PUDP: variants seen among roughly 807,000 people sequenced by gnomAD.
The protein encoded by PUDP is pseudouridine 5'-phosphatase.
Under a neutral mutation model 9.4 loss-of-function variants are expected in PUDP, and 8 were observed. That is an observed-to-expected ratio of 0.85 (90% confidence interval 0.50 to 1.53). The LOEUF (loss-of-function observed/expected upper bound fraction) is 1.53. Ranked by LOEUF, PUDP falls within the 40% of genes most tolerant of loss-of-function variation. PUDP has a pLI of 0.00. For missense variants in PUDP, 188 were observed against 189.7 expected (o/e 0.99, Z 0.05); for synonymous variants, 99 against 80.7 (o/e 1.23, Z -1.22).
At chrX:7,058,958 C>T (rs1387888163) in intron 3 of PUDP, among the ~76,000 whole-genome samples, 1 of 111,308 alleles carries the variant, frequency 9.0e-6, no homozygotes, top group Non-Finnish European at 1.9e-5. Flanking sequence ...CCCTTGTGCA[C>T]CGCAGAGCTA....
At chrX:7,009,445 C>T (rs1047567185) in intron 1 of PUDP, among the ~76,000 whole-genome samples, 3 of 111,902 alleles carry the variant, frequency 2.7e-5, no homozygotes, top group African/African-American at 6.5e-5. Flanking sequence ...TGAGGTACAA[C>T]GAAGGTGGTG....
At chrX:6,782,106 G>A (rs951435188) in intron 3 of PUDP, among the ~76,000 whole-genome samples, 1 of 111,692 alleles carries the variant, frequency 9.0e-6, no homozygotes, top group Admixed American at 9.5e-5. Context: ...TTAAATCGGA[G>A]AGTGCTAGAA....
At chrX:6,803,383 A>T (rs1432675924) in intron 3 of PUDP, among the ~76,000 whole-genome samples, 1 of 111,548 alleles carries the variant, frequency 9.0e-6, no homozygotes, top group African/African-American at 3.3e-5. Flanking sequence ...TGCTTAAGAA[A>T]TCCTTCAAAA....
chrX:7,067,693 AG>A (rs1316577689), intron 3 of PUDP, among the ~76,000 whole-genome samples: 2 of 111,920 alleles, frequency 1.8e-5, no homozygotes, highest in Non-Finnish European at 3.8e-5. Context: ...AGTACAGAAG[AG>A]GAATGCCTTC....
At chrX:6,887,187 ATAAT>A (rs1240579406) in intron 3 of PUDP, among the ~76,000 whole-genome samples, 4 of 105,784 alleles carry the variant, frequency 3.8e-5, no homozygotes, top group African/African-American at 1.0e-4. Flanking sequence ...ATATTTATTT[ATAAT>A]TAAATATATT....
intron 1 of PUDP, among the ~76,000 whole-genome samples, chrX:7,117,288 T>C (rs1932223033): frequency 8.9e-6 from 1 of 111,778 alleles, no homozygotes; most frequent in Non-Finnish European, 1.9e-5. Context: ...AGTTAAATGG[T>C]TGTGATCAAA....
chrX:7,021,143 ATCTT>A (rs1334818207), intron 1 of PUDP, among the ~76,000 whole-genome samples: 2 of 112,466 alleles, frequency 1.8e-5, no homozygotes, highest in Admixed American at 1.9e-4. Flanking sequence ...CCAGTATCTT[ATCTT>A]TTCTAGCTGC....
At chrX:6,753,904 A>T (rs1925138519) in intron 3 of PUDP, among the ~76,000 whole-genome samples, 1 of 110,877 alleles carries the variant, frequency 9.0e-6, no homozygotes, top group Non-Finnish European at 1.9e-5. Flanking sequence ...GATTGTGAAG[A>T]TTTTTTTCCC....
chrX:7,117,031 T>A, intron 1 of PUDP: 1 of 1,167,256 alleles, frequency 8.6e-7, no homozygotes, highest in Non-Finnish European at 1.1e-6. Context: ...GCTTCCTGTA[T>A]AACCTGCAGA....
intron 1 of PUDP, among the ~76,000 whole-genome samples, chrX:7,041,256 G>A (rs1285804006): frequency 9.0e-6 from 1 of 111,703 alleles, no homozygotes; most frequent in Non-Finnish European, 1.9e-5. Context: ...GAAGTCATAG[G>A]AGCTTGCAGT....
At chrX:7,076,593 TAAC>T (rs1377922518) in intron 3 of PUDP, among the ~76,000 whole-genome samples, 14 of 111,356 alleles carry the variant, frequency 1.3e-4, no homozygotes, top group African/African-American at 4.6e-4. Context: ...GAGCCTTATT[TAAC>T]AAGAAGAGGG....
intron 3 of PUDP, among the ~76,000 whole-genome samples, chrX:6,836,497 C>G (rs756389722): frequency 2.7e-5 from 3 of 112,058 alleles, no homozygotes; most frequent in African/African-American, 9.7e-5. Flanking sequence ...TGGTAAGATG[C>G]TGAGCAGAGA....
intron 3 of PUDP, among the ~76,000 whole-genome samples, chrX:6,900,684 C>T (rs763734745): frequency 9.3e-4 from 101 of 108,649 alleles, no homozygotes; most frequent in African/African-American, 3.2e-3. Flanking sequence ...ATCGCTATGG[C>T]GTAAAAGGAC....
At chrX:7,080,088 G>C (rs1400190251) in intron 2 of PUDP, among the ~76,000 whole-genome samples, 1 of 111,871 alleles carries the variant, frequency 8.9e-6, no homozygotes, top group Admixed American at 9.5e-5. Flanking sequence ...TAGCTAAACT[G>C]ATCAAAAAAA....
intron 3 of PUDP, among the ~76,000 whole-genome samples, chrX:6,894,229 T>A (rs749915504): frequency 2.7e-5 from 3 of 111,016 alleles, no homozygotes; most frequent in Non-Finnish European, 3.8e-5. Flanking sequence ...AACCTGCACA[T>A]CCTGCACATG....
intron 1 of PUDP, among the ~76,000 whole-genome samples, chrX:7,136,284 C>T (rs1203247674): frequency 1.8e-5 from 2 of 112,333 alleles, no homozygotes; most frequent in Non-Finnish European, 3.8e-5. Flanking sequence ...CGTGACGTGA[C>T]ATGCTGCTTT....
At chrX:6,847,771 C>G (rs1926770682) in intron 3 of PUDP, among the ~76,000 whole-genome samples, 1 of 111,981 alleles carries the variant, frequency 8.9e-6, no homozygotes, top group Non-Finnish European at 1.9e-5. Context: ...CTCTGTGAAT[C>G]AGCTGGCATC....
intron 1 of PUDP, among the ~76,000 whole-genome samples, chrX:7,126,670 T>C (rs1244420466): frequency 9.0e-6 from 1 of 110,772 alleles, no homozygotes; most frequent in Non-Finnish European, 1.9e-5. Context: ...ACCAGTCCCA[T>C]TGGATTAGGA....
At chrX:6,982,049 CACAT>C (rs1216616217) in intron 1 of PUDP, among the ~76,000 whole-genome samples, 14 of 106,427 alleles carry the variant, frequency 1.3e-4, no homozygotes, top group African/African-American at 4.9e-4. Flanking sequence ...CACACACACA[CACAT>C]ACACACACGC....
Sources: gnomAD v4.1 joint callset for allele counts (sites outside exome capture counted in the v4.1 genomes callset) on GRCh38, gnomAD v4.1.1 for gene constraint, MANE v1.5 for transcripts, NCBI Gene and HGNC (gene_info 2026-07-23, HGNC 2026-07-21) for gene names.